The following GALNT2 variants were observed in gnomAD, a reference collection of about 807,000 sequenced individuals.
GALNT2 encodes polypeptide N-acetylgalactosaminyltransferase 2.
In GALNT2, 31 loss-of-function variants were observed where a neutral mutation model predicts 81.4. The observed-to-expected ratio is 0.38, with a 90% CI of 0.29 to 0.51. The LOEUF (loss-of-function observed/expected upper bound fraction) is 0.51, where lower values mean the gene tolerates loss of function less well. Ranked by LOEUF, GALNT2 falls within the 20% of genes least tolerant of loss-of-function variation. The pLI is 0.87. For missense variants in GALNT2, 629 were observed against 765.7 expected (o/e 0.82, Z 2.11); for synonymous variants, 303 against 287.4 (o/e 1.05, Z -0.55).
intron 1 of GALNT2, among the ~76,000 whole-genome samples, chr1:230,094,002 AC>A (rs1660169553): frequency 2.9e-5 from 2 of 69,154 alleles, no homozygotes; most frequent in Non-Finnish European, 5.5e-5. Flanking sequence ...TGTTTCGTCC[AC>A]CTGTGTGTGT....
At chr1:230,091,369 C>CG (rs1660075042) in intron 1 of GALNT2, among the ~76,000 whole-genome samples, 1 of 152,068 alleles carries the variant, frequency 6.6e-6, no homozygotes, top group Non-Finnish European at 1.5e-5. Context: ...CCATTGTGCC[C>CG]GGTCCTCAGC....
chr1:230,101,942 A>C (rs1332619423), intron 1 of GALNT2, among the ~76,000 whole-genome samples: 2 of 152,190 alleles, frequency 1.3e-5, no homozygotes, highest in Non-Finnish European at 2.9e-5. Flanking sequence ...CAGAAGCACA[A>C]AAAGTAGTTG....
intron 3 of GALNT2, among the ~76,000 whole-genome samples, chr1:230,234,661 T>A (rs1316199168): frequency 6.6e-6 from 1 of 152,144 alleles, no homozygotes; most frequent in Non-Finnish European, 1.5e-5. Flanking sequence ...GTATTACCAA[T>A]TTAGTAACTC....
upstream of GALNT2, among the ~76,000 whole-genome samples, chr1:230,065,900 C>A (rs559401552): frequency 2.1e-3 from 318 of 152,316 alleles, 2 homozygotes; most frequent in African/African-American, 7.4e-3. Flanking sequence ...GTCCCATTTT[C>A]TTTCAAATCT....
intron 1 of GALNT2, among the ~76,000 whole-genome samples, chr1:230,108,993 A>T (rs1005924136): frequency 1.3e-5 from 2 of 152,260 alleles, no homozygotes; most frequent in African/African-American, 4.8e-5. Context: ...ACAGGATGAG[A>T]TGTAGAGCAG....
intron 1 of GALNT2, among the ~76,000 whole-genome samples, chr1:230,092,721 A>G (rs550290404): frequency 1.3e-5 from 2 of 152,316 alleles, no homozygotes; most frequent in East Asian, 1.9e-4. Context: ...GAGCATGGCT[A>G]TTACGTGTTT....
intron 14 of GALNT2, among the ~76,000 whole-genome samples, chr1:230,272,452 G>C (rs1002119470): frequency 5.3e-5 from 8 of 152,116 alleles, no homozygotes; most frequent in African/African-American, 1.9e-4. Context: ...CACAAAGTCT[G>C]TTTCCCAAAT....
chr1:230,151,762 C>T (rs1438302640), intron 1 of GALNT2, among the ~76,000 whole-genome samples: 2 of 99,622 alleles, frequency 2.0e-5, no homozygotes, highest in Non-Finnish European at 4.2e-5. Context: ...AGAGCAAGTC[C>T]GTAGTGCAAA....
intron 1 of GALNT2, among the ~76,000 whole-genome samples, chr1:230,107,484 A>G (rs1027305879): frequency 9.2e-5 from 14 of 152,086 alleles, no homozygotes; most frequent in African/African-American, 3.4e-4. Context: ...GGAGGCTGAG[A>G]CGGGAGCATT....
rs116253654 is a variant in GALNT2, at chr1:230,203,887, C to T, written c.374+597C>T. 4.5e-3 allele frequency among the ~76,000 whole-genome samples: 687 copies of T among 152,286 alleles called. 3 individuals carry two copies. The highest frequency in any genetic ancestry group is 7.1e-3 in the Non-Finnish European group (484 of 68,028). On this transcript the variant is annotated intron_variant, in intron 3 of 15. Coordinates refer to ENST00000366672, the MANE Select transcript of GALNT2 (RefSeq NM_004481.5). ...TCACCCAGGTTGGAATGCAGTGGTG[C>T]GATCATAGCTCACTGTAACCTCAAA...
At chr1:230,143,676 AT>A (rs1661822748) in intron 1 of GALNT2, among the ~76,000 whole-genome samples, 1 of 152,224 alleles carries the variant, frequency 6.6e-6, no homozygotes, top group African/African-American at 2.4e-5. Flanking sequence ...CCACGCTCTT[AT>A]TAAAGCATTG....
chr1:230,100,827 A>T (rs916767681), intron 1 of GALNT2, among the ~76,000 whole-genome samples: 15 of 151,632 alleles, frequency 9.9e-5, no homozygotes, highest in African/African-American at 3.2e-4. Flanking sequence ...GTACATGTAC[A>T]TATAAACAAA....
chr1:230,191,713 A>G lies in GALNT2; in HGVS notation c.221-11424A>G, dbSNP rs180869290. Among the ~76,000 whole-genome samples, 52 of 152,332 alleles carry G rather than the reference A, an allele frequency of 3.4e-4. 1 individual carries two copies. The highest frequency in any genetic ancestry group is 3.4e-3 in the Middle Eastern group (1 of 294). On this transcript the variant is annotated intron_variant, in intron 2 of 15. Transcript: ENST00000366672. ...TTTTTTGCAGAGACAGCATCTCGCT[A>G]TGTTCCCCAGGCTGATCTCAAACTC...
At chr1:230,203,774 A>G (rs1663978534) in intron 3 of GALNT2, among the ~76,000 whole-genome samples, 1 of 152,188 alleles carries the variant, frequency 6.6e-6, no homozygotes, top group Non-Finnish European at 1.5e-5. Context: ...CACAGGAGGG[A>G]CAGGTGCCAC....
intron 1 of GALNT2, among the ~76,000 whole-genome samples, chr1:230,082,954 G>C (rs1175819691): frequency 6.6e-6 from 1 of 151,376 alleles, no homozygotes; most frequent in African/African-American, 2.4e-5. Context: ...TGATGGAGCA[G>C]AGCAGCTGGG....
At chr1:230,140,487 G>A (rs954946421) in intron 1 of GALNT2, among the ~76,000 whole-genome samples, 6 of 152,210 alleles carry the variant, frequency 3.9e-5, no homozygotes, top group African/African-American at 4.8e-5. Flanking sequence ...GGAGCACAGT[G>A]GAGCGTGACT....
intron 14 of GALNT2, among the ~76,000 whole-genome samples, chr1:230,270,207 A>G (rs552758886): frequency 2.4e-4 from 36 of 152,354 alleles, no homozygotes; most frequent in Middle Eastern, 6.8e-3. Context: ...TCTCAAAAAA[A>G]TAAATAAAAA....
intron 1 of GALNT2, among the ~76,000 whole-genome samples, chr1:230,088,014 G>A (rs1287250003): frequency 1.3e-5 from 2 of 152,070 alleles, no homozygotes; most frequent in African/African-American, 4.8e-5. Flanking sequence ...ATATGGGGGT[G>A]GACTGGGGTA....
intron 1 of GALNT2, among the ~76,000 whole-genome samples, chr1:230,125,721 A>G (rs757896931): frequency 1.3e-5 from 2 of 152,196 alleles, no homozygotes; most frequent in African/African-American, 2.4e-5. Flanking sequence ...AGAACAGACA[A>G]CTTCGGCTTA....
Sources: gnomAD v4.1 joint callset for allele counts (sites outside exome capture counted in the v4.1 genomes callset) on GRCh38, gnomAD v4.1.1 for gene constraint, MANE v1.5 for transcripts, NCBI Gene and HGNC (gene_info 2026-07-23, HGNC 2026-07-21) for gene names.